The following MECOM variants were observed in gnomAD, a reference collection of about 807,000 sequenced individuals.
MECOM encodes histone-lysine N-methyltransferase MECOM.
In MECOM, 13 loss-of-function variants were observed where a neutral mutation model predicts 116.3. The ratio of observed to expected loss-of-function variants is 0.11; its 90% CI spans 0.07 to 0.18. The LOEUF is 0.18. MECOM is among the 10% of genes least tolerant of loss of function. The probability of loss-of-function intolerance (pLI) is 1.00; values close to 1 mark genes in which losing one functional copy is unlikely to be tolerated. For synonymous variants in MECOM, 528 were observed against 535.2 expected (o/e 0.99, Z 0.19); for missense variants, 1,299 against 1,509.0 (o/e 0.86, Z 2.31).
intron 2 of MECOM, among the ~76,000 whole-genome samples, chr3:169,336,909 T>G (rs948691222): frequency 6.6e-6 from 1 of 152,168 alleles, no homozygotes; most frequent in African/African-American, 2.4e-5. Context: ...CAGTGTAATA[T>G]TTGATAGAAA....
Position 169,084,907 on chromosome 3 carries a change from C to A in MECOM, c.*2G>T, listed in dbSNP as rs758989032. ...GTCCCACTCTGGTCAACCTTGATAA[C>A]GTCATACGTGGCTTATGGACTGGAT... On this transcript the variant is annotated 3_prime_UTR_variant, in exon 17 of 17. Transcript: ENST00000651503. 1 of 1,613,856 alleles carries A rather than the reference C, an allele frequency of 6.2e-7. No individual in the cohort carries two copies. The highest frequency in any genetic ancestry group is 1.1e-5 in the South Asian group (1 of 91,070).
At chr3:169,365,897 G>A (rs1051980704) in intron 2 of MECOM, among the ~76,000 whole-genome samples, 1 of 151,996 alleles carries the variant, frequency 6.6e-6, no homozygotes, top group Non-Finnish European at 1.5e-5. Context: ...TAAGGTGTGT[G>A]TTTCTGTTTC....
chr3:169,612,541 TC>T (rs1769419256), intron 1 of MECOM, among the ~76,000 whole-genome samples: 1 of 152,148 alleles, frequency 6.6e-6, no homozygotes, highest in Non-Finnish European at 1.5e-5. Flanking sequence ...TGTTCCTGGT[TC>T]CTATAATCTA....
intron 2 of MECOM, among the ~76,000 whole-genome samples, chr3:169,280,456 T>C (rs1367470446): frequency 1.3e-5 from 2 of 152,192 alleles, no homozygotes; most frequent in Non-Finnish European, 2.9e-5. Context: ...CTCACTAGAT[T>C]GTAAAAACTT....
At chr3:169,410,190 A>G (rs556882077) in intron 1 of MECOM, among the ~76,000 whole-genome samples, 1 of 152,326 alleles carries the variant, frequency 6.6e-6, no homozygotes, top group East Asian at 1.9e-4. Flanking sequence ...CATCAGAAAA[A>G]CAGTTGTGAC....
At chr3:169,276,116 G>A (rs1759537860) in intron 2 of MECOM, among the ~76,000 whole-genome samples, 1 of 152,196 alleles carries the variant, frequency 6.6e-6, no homozygotes, top group Non-Finnish European at 1.5e-5. Context: ...CACACATCAA[G>A]TATTTATGGT....
chr3:169,126,911 G>C (rs1733069638), intron 5 of MECOM, among the ~76,000 whole-genome samples: 1 of 152,056 alleles, frequency 6.6e-6, no homozygotes, highest in South Asian at 2.1e-4. Context: ...TCCCATTCTT[G>C]AGTAAGGCCA....
chr3:169,649,147 A>C (rs991992301), intron 1 of MECOM, among the ~76,000 whole-genome samples: 1 of 152,164 alleles, frequency 6.6e-6, no homozygotes, highest in Non-Finnish European at 1.5e-5. Context: ...CAACAGACAA[A>C]TGTGATAGGC....
intron 2 of MECOM, among the ~76,000 whole-genome samples, chr3:169,375,580 A>G (rs1730878431): frequency 2.0e-5 from 3 of 152,178 alleles, no homozygotes; most frequent in Admixed American, 6.6e-5. Flanking sequence ...AAAATCTACA[A>G]GAAATGGATA....
At chr3:169,309,925 A>G (rs1718435408) in intron 2 of MECOM, among the ~76,000 whole-genome samples, 2 of 152,200 alleles carry the variant, frequency 1.3e-5, no homozygotes, top group Admixed American at 6.5e-5. Flanking sequence ...AGAAGCAGCT[A>G]TTGTGATCAC....
chr3:169,442,987 C>T (rs892644422), intron 1 of MECOM, among the ~76,000 whole-genome samples: 1 of 152,098 alleles, frequency 6.6e-6, no homozygotes, highest in Non-Finnish European at 1.5e-5. Flanking sequence ...TGCTCAGTAA[C>T]TGTCTGCTGA....
chr3:169,450,728 G>A (rs1187236926), intron 1 of MECOM, among the ~76,000 whole-genome samples: 1 of 152,108 alleles, frequency 6.6e-6, no homozygotes, highest in Non-Finnish European at 1.5e-5. Flanking sequence ...AGTCAACGTG[G>A]CCAATCTCCC....
At chr3:169,508,043 CTT>C (rs752318451) in intron 1 of MECOM, among the ~76,000 whole-genome samples, 6 of 152,106 alleles carry the variant, frequency 3.9e-5, no homozygotes, top group Admixed American at 3.3e-4. Context: ...GAAAAGAACT[CTT>C]TTAAGAGACT....
chr3:169,643,479 C>G (rs1471159426), intron 1 of MECOM, among the ~76,000 whole-genome samples: 1 of 152,278 alleles, frequency 6.6e-6, no homozygotes, highest in South Asian at 2.1e-4. Context: ...TCTGCCATCC[C>G]GTATCCCACC....
intron 10 of MECOM, among the ~76,000 whole-genome samples, chr3:169,104,692 T>C (rs1347425364): frequency 6.6e-6 from 1 of 152,158 alleles, no homozygotes; most frequent in Non-Finnish European, 1.5e-5. Context: ...ATATGGAAAA[T>C]AGCTTACTCA....
At chr3:169,281,818 AT>A (rs1386190041) in intron 2 of MECOM, among the ~76,000 whole-genome samples, 2 of 152,220 alleles carry the variant, frequency 1.3e-5, no homozygotes, top group African/African-American at 2.4e-5. Context: ...TCAAAAAAAA[AT>A]TTTTTTTAAA....
chr3:169,152,813 T>C (rs1741373788), intron 2 of MECOM, among the ~76,000 whole-genome samples: 1 of 152,210 alleles, frequency 6.6e-6, no homozygotes, highest in Admixed American at 6.5e-5. Flanking sequence ...CTAGCTGATC[T>C]TTCTCCAAAA....
Position 169,421,472 on chromosome 3 carries a change from A to G in MECOM, c.38-39948T>C, listed in dbSNP as rs185193859. 4.6e-3 allele frequency among the ~76,000 whole-genome samples: 705 copies of G among 152,212 alleles called. 5 individuals are homozygous for G. Among genetic ancestry groups the G allele is most frequent in the Admixed American group, 6.4e-3 (98 of 15,260 alleles). Reference sequence around the variant, plus strand: ...GCCTGTTGGTCAGTGGACCATTGGCAGTAGATCTAATTCTTGCCAGCTTTC... The same window carrying G: ...GCCTGTTGGTCAGTGGACCATTGGCGGTAGATCTAATTCTTGCCAGCTTTC... On this transcript the variant is annotated intron_variant, in intron 1 of 16. Coordinates refer to ENST00000651503, the MANE Select transcript of MECOM (RefSeq NM_004991.4).
chr3:169,116,375 C>T lies in MECOM; in HGVS notation c.1497G>A (p.Leu499=), dbSNP rs1729156963. 6.2e-7 allele frequency: 1 copy of T among 1,614,178 alleles called. No homozygotes were observed. Among genetic ancestry groups the T allele is most frequent in the Non-Finnish European group, 8.5e-7 (1 of 1,180,036 alleles). ...CAGGTATCAAAGGAGGCCTGTGGTA[C>T]AAGCCGGAAGGAAACAGACCAGGGA... is the stretch of plus-strand genomic sequence containing the variant. ...FSFPGLFPSG[L]YHRPPLIPAS... Residue 499 remains leucine, a synonymous_variant, in exon 8 of 17, where the codon TTG becomes TTA. Transcript: ENST00000651503.
Sources: gnomAD v4.1 joint callset for allele counts (sites outside exome capture counted in the v4.1 genomes callset) on GRCh38, gnomAD v4.1.1 for gene constraint, MANE v1.5 for transcripts, NCBI Gene and HGNC (gene_info 2026-07-23, HGNC 2026-07-21) for gene names.